PDE3B: variants seen among roughly 807,000 people sequenced by gnomAD.
The protein encoded by PDE3B is cGMP-inhibited 3',5'-cyclic phosphodiesterase 3B.
Under a neutral mutation model 116.8 loss-of-function variants are expected in PDE3B, and 66 were observed. That is an observed-to-expected ratio of 0.56 (90% CI 0.46 to 0.69). The LOEUF (loss-of-function observed/expected upper bound fraction) is 0.69. Ranked by LOEUF, PDE3B falls within the 30% of genes least tolerant of loss-of-function variation. The probability of loss-of-function intolerance (pLI) is 0.00; values close to 1 mark genes in which losing one functional copy is unlikely to be tolerated. For missense variants in PDE3B, 1,384 were observed against 1,368.1 expected, an observed-to-expected ratio of 1.01 and a Z score of -0.18; for synonymous variants, 595 against 533.6, an observed-to-expected ratio of 1.12 and a Z score of -1.59.
intron 14 of PDE3B, among the ~76,000 whole-genome samples, chr11:14,862,525 T>C (rs972351242): frequency 4.6e-5 from 7 of 152,266 alleles, no homozygotes; most frequent in South Asian, 2.1e-4. Context: ...ATGGAGAGAA[T>C]AGACACTTAG....
At chr11:14,866,471 G>A (rs1848049011) in intron 14 of PDE3B, among the ~76,000 whole-genome samples, 1 of 152,098 alleles carries the variant, frequency 6.6e-6, no homozygotes, top group South Asian at 2.1e-4. Flanking sequence ...CATGGACTTA[G>A]AAAAGCCAAA....
rs559524474 is a variant in PDE3B, at chr11:14,733,802, T to C, written c.979-38135T>C. On this transcript the variant is annotated intron_variant, in intron 1 of 15. Coordinates refer to ENST00000282096, the MANE Select transcript of PDE3B (RefSeq NM_000922.4). ...TAGAAGTTTAAAAGACATGAAAGAA[T>C]GAGATGTAATTTTTTTAGGAGCTCT... Among the ~76,000 whole-genome samples, 6 of 152,010 alleles carry C rather than the reference T, an allele frequency of 3.9e-5. No individual in the cohort carries two copies. In the South Asian group the frequency reaches 1.0e-3, roughly 26 times the overall value.
chr11:14,894,541 A>G, the PDE3B span, among the ~76,000 whole-genome samples: 88 of 152,276 alleles, frequency 5.8e-4, 2 homozygotes, highest in Admixed American at 5.2e-3. Context: ...CCTCCAATTC[A>G]CTTAAATTAA....
Position 14,832,570 on chromosome 11 carries a change from AG to A in PDE3B, c.2095-151del, listed in dbSNP as rs201119548. On this transcript the variant is annotated intron_variant, in intron 9 of 15. Coordinates refer to ENST00000282096, the MANE Select transcript of PDE3B (RefSeq NM_000922.4). Reference sequence around the variant, plus strand: ...CATCTTCCATTCTGATTTTTTTGAAAGAATTAATTGTAGGCAAGTTTTAAAT... The same window carrying A: ...CATCTTCCATTCTGATTTTTTTGAAAAATTAATTGTAGGCAAGTTTTAAAT... 1.0e-3 allele frequency: 395 copies of A among 384,156 alleles called. 4 individuals are homozygous for A. The Admixed American group carries it at 0.014, about 13-fold the overall frequency. 23.8% of individuals were successfully genotyped at this position (384,156 alleles called of 1,614,324 possible). A position where few individuals can be genotyped will look rare whatever the true frequency, so the allele number is the denominator to read the frequency against.
chr11:14,872,411 C>T (rs144473383), downstream of PDE3B, among the ~76,000 whole-genome samples: 1 of 152,268 alleles, frequency 6.6e-6, no homozygotes, highest in East Asian at 1.9e-4. Context: ...AGAATAACAG[C>T]ATGTACAGAG....
At chr11:14,682,471 A>G (rs1854740503) in intron 1 of PDE3B, among the ~76,000 whole-genome samples, 1 of 152,134 alleles carries the variant, frequency 6.6e-6, no homozygotes, top group Admixed American at 6.6e-5. Flanking sequence ...AGTTTTGTTT[A>G]AATGCCCTTT....
At chr11:14,792,885 G>T (rs1332813353) in intron 4 of PDE3B, among the ~76,000 whole-genome samples, 2 of 152,154 alleles carry the variant, frequency 1.3e-5, no homozygotes, top group African/African-American at 4.8e-5. Context: ...TCTCCAAGGA[G>T]AAGTACTCTT....
intron 1 of PDE3B, among the ~76,000 whole-genome samples, chr11:14,730,793 A>G (rs1352098609): frequency 6.6e-6 from 1 of 152,180 alleles, no homozygotes; most frequent in African/African-American, 2.4e-5. Context: ...CTAAAAGTAT[A>G]ATGGAAGGAA....
intron 5 of PDE3B, among the ~76,000 whole-genome samples, chr11:14,814,042 A>G (rs564924563): frequency 6.6e-6 from 1 of 152,324 alleles, no homozygotes; most frequent in South Asian, 2.1e-4. Context: ...AAAGCTTTTC[A>G]TGTATGTTCA....
downstream of PDE3B, among the ~76,000 whole-genome samples, chr11:14,874,284 C>T (rs954216888): frequency 1.3e-5 from 2 of 152,036 alleles, no homozygotes; most frequent in African/African-American, 4.8e-5. Flanking sequence ...TTTTAAGTAT[C>T]TCTTCTGTAC....
chr11:14,667,640 A>G (rs553775997), intron 1 of PDE3B, among the ~76,000 whole-genome samples: 297 of 150,740 alleles, frequency 2.0e-3, no homozygotes, highest in African/African-American at 7.0e-3. Context: ...TTGAACAATG[A>G]GAACACATGG....
At chr11:14,670,837 A>G (rs551582591) in intron 1 of PDE3B, among the ~76,000 whole-genome samples, 8 of 151,634 alleles carry the variant, frequency 5.3e-5, no homozygotes. Context: ...CCAACAATCC[A>G]GCTTACATGT....
intron 1 of PDE3B, among the ~76,000 whole-genome samples, chr11:14,696,802 C>T (rs1476401522): frequency 1.3e-5 from 2 of 152,170 alleles, no homozygotes; most frequent in South Asian, 4.1e-4. Context: ...AACAAAAGTT[C>T]CTAGTTTTCA....
At chr11:14,812,694 C>A (rs1026227148) in intron 5 of PDE3B, among the ~76,000 whole-genome samples, 3 of 152,172 alleles carry the variant, frequency 2.0e-5, no homozygotes, top group Non-Finnish European at 4.4e-5. Flanking sequence ...AACCTTCTTA[C>A]AAATAAAATT....
chr11:14,697,627 G>A (rs918493360), intron 1 of PDE3B, among the ~76,000 whole-genome samples: 14 of 152,154 alleles, frequency 9.2e-5, no homozygotes, highest in Non-Finnish European at 1.0e-4. Flanking sequence ...AAACTTAATG[G>A]AATTTTGATT....
intron 1 of PDE3B, among the ~76,000 whole-genome samples, chr11:14,648,014 A>G (rs1853462079): frequency 6.6e-6 from 1 of 151,424 alleles, no homozygotes; most frequent in Non-Finnish European, 1.5e-5. Context: ...GGGTTAATGG[A>G]AAGAAGCACT....
the PDE3B span, chr11:14,878,193 G>C: frequency 1.9e-6 from 3 of 1,613,254 alleles, no homozygotes; most frequent in Admixed American, 5.0e-5. Flanking sequence ...TTCAGATCTG[G>C]AACTAGTTCA....
chr11:14,803,800 A>T, intron 4 of PDE3B, 144 bp from the exon 5 acceptor site: 4 of 585,930 alleles, frequency 6.8e-6, no homozygotes. Flanking sequence ...AAGTTTGCTG[A>T]CTCCTGCTTT....
intron 12 of PDE3B, among the ~76,000 whole-genome samples, chr11:14,846,000 T>TA (rs1369526177): frequency 6.6e-6 from 1 of 152,062 alleles, no homozygotes. Context: ...GCCACAAAGA[T>TA]ACTCCTCGAG....
Sources: gnomAD v4.1 joint callset for allele counts (sites outside exome capture counted in the v4.1 genomes callset) on GRCh38, gnomAD v4.1.1 for gene constraint, MANE v1.5 for transcripts, NCBI Gene and HGNC (gene_info 2026-07-23, HGNC 2026-07-21) for gene names.